PKHD1L1: variants seen among roughly 807,000 people sequenced by gnomAD.
PKHD1L1 encodes the protein PKHD1 like 1.
Under a neutral mutation model 462.9 loss-of-function variants are expected in PKHD1L1, and 434 were observed. The observed-to-expected ratio is 0.94, with a 90% CI of 0.87 to 1.02. The LOEUF is 1.02. Among genes scored for constraint, PKHD1L1 ranks in the 50% least tolerant of loss-of-function variants. The pLI, the probability that PKHD1L1 is intolerant of heterozygous loss-of-function variation, is 0.00. For synonymous variants in PKHD1L1, 1,781 were observed against 1,750.0 expected (o/e 1.02, Z -0.44); for missense variants, 5,202 against 5,096.1 (o/e 1.02, Z -0.63).
At chr8:109,407,333 A>T (rs1194969076) in intron 17 of PKHD1L1, among the ~76,000 whole-genome samples, 2 of 152,236 alleles carry the variant, frequency 1.3e-5, no homozygotes, top group Non-Finnish European at 2.9e-5. Flanking sequence ...AATACTTATG[A>T]ATAAACATAT....
Position 109,443,809 on chromosome 8 carries a change from A to T in PKHD1L1, c.4698A>T (p.Pro1566=). The T allele has an allele frequency of 6.2e-7, 1 of 1,613,820 alleles. No individual in the cohort carries two copies. Among genetic ancestry groups the T allele is most frequent in the East Asian group, 2.2e-5 (1 of 44,876 alleles). Residue 1566 remains proline, a synonymous_variant, in exon 37 of 78, where the codon CCA becomes CCT. Coordinates refer to ENST00000378402, the MANE Select transcript of PKHD1L1 (RefSeq NM_177531.6). The stretch of plus-strand genomic sequence containing the variant: ...TTGAGGTTTCAAGTTGTTTTTCACC[A>T]TCTATAAGCAACATTACTCCGTCCA... ...LLFEVSSCFS[P]SISNITPSTG...
intron 2 of PKHD1L1, among the ~76,000 whole-genome samples, chr8:109,371,785 G>C (rs1020325478): frequency 1.0e-3 from 158 of 151,980 alleles, no homozygotes; most frequent in Admixed American, 1.6e-3. Context: ...GCTTGTTTTT[G>C]TCAGGTTTTT....
chr8:109,501,742 G>A (rs1314012455), intron 67 of PKHD1L1, among the ~76,000 whole-genome samples: 1 of 152,190 alleles, frequency 6.6e-6, no homozygotes, highest in African/African-American at 2.4e-5. Context: ...TGGGGTGTCT[G>A]AGGACAGAGA....
chr8:109,478,188 T>C (rs902645401), intron 53 of PKHD1L1, among the ~76,000 whole-genome samples: 2 of 152,136 alleles, frequency 1.3e-5, no homozygotes, highest in Non-Finnish European at 1.5e-5. Flanking sequence ...CATTTCAAAA[T>C]AAATAGACAC....
At chr8:109,452,312 C>A in intron 42 of PKHD1L1, 32 bp downstream of exon 42, 2 of 1,473,960 alleles carry the variant, frequency 1.4e-6, no homozygotes, top group Non-Finnish European at 1.8e-6. Context: ...GTAATCACAG[C>A]AATAGAAAAC....
At chr8:109,420,256 C>T (rs1173095986) in intron 22 of PKHD1L1, among the ~76,000 whole-genome samples, 2 of 152,114 alleles carry the variant, frequency 1.3e-5, no homozygotes. Flanking sequence ...TTGGTTTTTA[C>T]TTGATAGGGT....
rs570125235 is a variant in PKHD1L1 at position 109,394,392 on chromosome 8, A to G, written c.741-23A>G. 2.8e-6 allele frequency: 4 copies of G among 1,411,130 alleles called. No homozygotes were observed. The East Asian group carries it at 7.6e-5, about 27-fold the overall frequency. 87.4% of individuals were successfully genotyped at this position (1,411,130 alleles called of 1,614,324 possible). On this transcript the variant is annotated intron_variant, in intron 9 of 77. Coordinates refer to ENST00000378402, the MANE Select transcript of PKHD1L1 (RefSeq NM_177531.6). Reference sequence around the variant, plus strand: ...CTAAATTAAAGATCATTTAAAGCAGAAAATTTAATCTTTTTTTAACAGGAG... The same window carrying G: ...CTAAATTAAAGATCATTTAAAGCAGGAAATTTAATCTTTTTTTAACAGGAG...
chr8:109,433,345 C>T, intron 28 of PKHD1L1, 129 bp downstream of exon 28: 2 of 809,892 alleles, frequency 2.5e-6, no homozygotes, highest in African/African-American at 3.5e-5. Context: ...ATCATGATCC[C>T]TATGGGGTCA....
At chr8:109,514,996 T>C (rs1415354331) in intron 71 of PKHD1L1, among the ~76,000 whole-genome samples, 174 bp from the exon 72 acceptor site, 1 of 152,134 alleles carries the variant, frequency 6.6e-6, no homozygotes, top group Non-Finnish European at 1.5e-5. Context: ...GTACTATCTG[T>C]ATGAATGGTT....
In PKHD1L1 at chr8:109,486,713, A is replaced by G. The variant is rs755469307; in HGVS notation, c.9772A>G (p.Ser3258Gly). 3.7e-6 allele frequency: 6 copies of G among 1,612,398 alleles called. No homozygotes were observed. The African/African-American group carries it at 6.7e-5, about 18-fold the overall frequency. ...YTLAADVGIL[S>G]RNIKIVGEDY... ...GTTAGCAGCTGATGTTGGGATACTG[A>G]GTAGGAACATCAAAATAGTTGGTGA... is the stretch of plus-strand genomic sequence containing the variant. The change falls in exon 59 of 78, where the codon AGT becomes GGT. Residue 3258 changes from serine (S) to glycine (G), a missense_variant. Around this residue, in one of 3 missense-constraint regions of PKHD1L1, gnomAD observed 4,497 missense variants for 4,336.8 expected, o/e 1.04. Coordinates refer to ENST00000378402, the MANE Select transcript of PKHD1L1 (RefSeq NM_177531.6).
At chr8:109,458,046 C>T (rs1417157988) in intron 46 of PKHD1L1, among the ~76,000 whole-genome samples, 2 of 152,120 alleles carry the variant, frequency 1.3e-5, no homozygotes, top group Non-Finnish European at 2.9e-5. Flanking sequence ...CTTTGTTCTC[C>T]TGTCTCCTGT....
At position 109,441,328 on chromosome 8, in the gene PKHD1L1, C is replaced by T; in HGVS notation, c.4153C>T (p.Leu1385Phe). 6.3e-7 allele frequency: 1 copy of T among 1,589,906 alleles called. No individual in the cohort carries two copies. The highest frequency in any genetic ancestry group is 8.6e-7 in the Non-Finnish European group (1 of 1,164,042). The change falls in exon 34 of 78, where the codon CTT (leucine) becomes TTT (phenylalanine). Residue 1385 changes from leucine (L) to phenylalanine (F), a missense_variant. Physicochemically the swap from Leu to Phe is conservative, Grantham distance 22. Transcript: ENST00000378402. ...SSSENVIKCI[L>F]HSTGNIFRIT... ...ATCAGAAAATGTCATAAAATGTATTCTTCATTCAACTGGGAATATATTCAG... is the reference window on the plus strand; with the variant it reads ...ATCAGAAAATGTCATAAAATGTATTTTTCATTCAACTGGGAATATATTCAG...
At chr8:109,505,867 T>C (rs529579204) in intron 68 of PKHD1L1, among the ~76,000 whole-genome samples, 1 of 152,346 alleles carries the variant, frequency 6.6e-6, no homozygotes, top group Non-Finnish European at 1.5e-5. Context: ...ATCACACCAC[T>C]GCACTTCAGC....
chr8:109,371,125 G>A (rs372787852), intron 2 of PKHD1L1, among the ~76,000 whole-genome samples: 4 of 152,196 alleles, frequency 2.6e-5, no homozygotes, highest in South Asian at 4.1e-4. Flanking sequence ...CACCAACAGT[G>A]TAAAAGTGTT....
Position 109,532,366 on chromosome 8 carries a change from T to C in PKHD1L1, c.*2276T>C, listed in dbSNP as rs1371739464. ...GATAAATTACAATTTAATTACTACTTTTAAAAATGCTTGAATTATTGGAAT... is the reference window on the plus strand; with the variant it reads ...GATAAATTACAATTTAATTACTACTCTTAAAAATGCTTGAATTATTGGAAT... On this transcript the variant is annotated 3_prime_UTR_variant, in exon 78 of 78. Transcript: ENST00000378402. Among the ~76,000 whole-genome samples the C allele has an allele frequency of 6.6e-6, 1 of 152,210 alleles. No individual in the cohort carries two copies. Among genetic ancestry groups the C allele is most frequent in the African/African-American group, 2.4e-5 (1 of 41,458 alleles).
At chr8:109,390,813 G>C (rs1018594153) in intron 9 of PKHD1L1, among the ~76,000 whole-genome samples, 1 of 151,802 alleles carries the variant, frequency 6.6e-6, no homozygotes. Context: ...ATTAAATTTA[G>C]ATTTAAACTA....
chr8:109,373,305 G>A (rs1396189709), intron 2 of PKHD1L1, among the ~76,000 whole-genome samples: 1 of 152,198 alleles, frequency 6.6e-6, no homozygotes, highest in Non-Finnish European at 1.5e-5. Context: ...GGTGTTTATA[G>A]TATTCTCTGA....
rs1227196565 is a variant in PKHD1L1 at position 109,533,762 on chromosome 8, T to TA, written c.*3677dup. Among the ~76,000 whole-genome samples the TA allele has an allele frequency of 6.6e-6, 1 of 151,788 alleles. No individual in the cohort carries two copies. Among genetic ancestry groups the TA allele is most frequent in the Non-Finnish European group, 1.5e-5 (1 of 67,984 alleles). On this transcript the variant is annotated 3_prime_UTR_variant, in exon 78 of 78. Coordinates refer to ENST00000378402, the MANE Select transcript of PKHD1L1 (RefSeq NM_177531.6). ...AACTTGTGTTAGAAAATCTCCTTAC[T>TA]AAAAATCTACAGAAAAATCTTGACA...
chr8:109,375,326 T>C (rs1811755183), intron 2 of PKHD1L1, among the ~76,000 whole-genome samples: 1 of 152,242 alleles, frequency 6.6e-6, no homozygotes, highest in Non-Finnish European at 1.5e-5. Flanking sequence ...GTCACGTAGT[T>C]CTTGTGCCAT....
Sources: gnomAD v4.1 joint callset for allele counts (sites outside exome capture counted in the v4.1 genomes callset) on GRCh38, gnomAD v4.1.1 for gene constraint, gnomAD v4.1.1 regional missense constraint, MANE v1.5 for transcripts, NCBI Gene and HGNC (gene_info 2026-07-23, HGNC 2026-07-21) for gene names.